The following WDR27 variants were observed in gnomAD, a reference collection of about 807,000 sequenced individuals.
The protein encoded by WDR27 is WD repeat-containing protein 27.
WDR27 carries 100 observed loss-of-function variants against 114.4 expected under a neutral mutation model. The observed-to-expected ratio is 0.87, with a 90% CI of 0.74 to 1.03. The LOEUF (loss-of-function observed/expected upper bound fraction) is 1.03, where lower values mean the gene tolerates loss of function less well. Among genes scored for constraint, WDR27 ranks in the 50% least tolerant of loss-of-function variants. WDR27 has a pLI of 0.00. For synonymous variants in WDR27, 449 were observed against 423.1 expected (o/e 1.06, Z -0.75); for missense variants, 1,129 against 1,092.9 (o/e 1.03, Z -0.47).
intron 2 of WDR27, among the ~76,000 whole-genome samples, chr6:169,682,564 T>C (rs1310354218): frequency 6.6e-6 from 1 of 152,268 alleles, no homozygotes; most frequent in East Asian, 1.9e-4. Context: ...CAACAGTCAG[T>C]CTATGTAGAA....
At chr6:169,602,163 T>C (rs1808119237) in intron 23 of WDR27, 56 bp downstream of exon 23, 1 of 1,348,422 alleles carries the variant, frequency 7.4e-7, no homozygotes, top group Non-Finnish European at 1.0e-6. Context: ...TTAAACAGTC[T>C]ACACATTACC....
At chr6:169,570,812 A>G (rs1738986845) in intron 25 of WDR27, among the ~76,000 whole-genome samples, 1 of 152,174 alleles carries the variant, frequency 6.6e-6, no homozygotes, top group South Asian at 2.1e-4. Context: ...CTGGGCCACA[A>G]GAGCGAAATT....
At chr6:169,680,437 C>T (rs979550118) in intron 2 of WDR27, among the ~76,000 whole-genome samples, 10 of 152,048 alleles carry the variant, frequency 6.6e-5, no homozygotes, top group African/African-American at 2.2e-4. Context: ...AAAAAATTAG[C>T]GGGGCTTGGT....
At chr6:169,477,638 C>A (rs2115363355) in intron 25 of WDR27, among the ~76,000 whole-genome samples, 1 of 152,258 alleles carries the variant, frequency 6.6e-6, no homozygotes, top group Middle Eastern at 3.4e-3. Flanking sequence ...ATGGTTTCTC[C>A]ATGTTAGCTA....
intron 21 of WDR27, among the ~76,000 whole-genome samples, 157 bp from the exon 22 acceptor site, chr6:169,613,813 C>T (rs1194418792): frequency 6.6e-6 from 1 of 152,168 alleles, no homozygotes; most frequent in African/African-American, 2.4e-5. Flanking sequence ...CCAAAAACTT[C>T]TACATAAAGT....
chr6:169,634,116 A>C (rs909151029), intron 20 of WDR27, among the ~76,000 whole-genome samples: 2 of 152,200 alleles, frequency 1.3e-5, no homozygotes, highest in Non-Finnish European at 2.9e-5. Flanking sequence ...TGCAGATGAG[A>C]TACAATGACT....
chr6:169,482,735 C>T (rs78191856), intron 25 of WDR27, among the ~76,000 whole-genome samples: 4,677 of 152,224 alleles, frequency 0.031, 217 homozygotes, highest in African/African-American at 0.1. Context: ...GAATATACAT[C>T]CTTTTCATCA....
intron 25 of WDR27, among the ~76,000 whole-genome samples, chr6:169,536,701 T>G (rs1168554540): frequency 1.3e-5 from 2 of 152,122 alleles, no homozygotes; most frequent in Non-Finnish European, 2.9e-5. Flanking sequence ...GATCAGATGT[T>G]AAGTCAGACA....
At chr6:169,612,018 C>T (rs544092177) in intron 22 of WDR27, among the ~76,000 whole-genome samples, 1 of 152,274 alleles carries the variant, frequency 6.6e-6, no homozygotes, top group South Asian at 2.1e-4. Context: ...TGCCTACAGT[C>T]CCAGCTACTT....
At chr6:169,645,042 A>AT (rs1562796580) in intron 16 of WDR27, among the ~76,000 whole-genome samples, 4 of 134,092 alleles carry the variant, frequency 3.0e-5, no homozygotes, top group Non-Finnish European at 6.3e-5. Context: ...AAAATAAAAA[A>AT]AAAAAAAAAA....
intron 15 of WDR27, among the ~76,000 whole-genome samples, chr6:169,648,739 C>T (rs1821461142): frequency 6.6e-6 from 1 of 152,226 alleles, no homozygotes. Context: ...TCTTCCCTGT[C>T]CAGTCACAAG....
At chr6:169,666,985 G>T (rs1182731703) in intron 6 of WDR27, 151 bp downstream of exon 6, 7 of 1,269,480 alleles carry the variant, frequency 5.5e-6, no homozygotes, top group Non-Finnish European at 6.0e-6. Context: ...TCCTCTCCCT[G>T]TGTGGACGGG....
chr6:169,579,158 C>T (rs1386451523), intron 24 of WDR27, among the ~76,000 whole-genome samples: 7 of 152,168 alleles, frequency 4.6e-5, no homozygotes, highest in African/African-American at 9.7e-5. Context: ...AACCCGCTTA[C>T]TCCTGGTGTC....
At chr6:169,443,597 G>C in the WDR27 span, among the ~76,000 whole-genome samples, 1 of 152,184 alleles carries the variant, frequency 6.6e-6, no homozygotes, top group African/African-American at 2.4e-5. Flanking sequence ...AGTAAGAATG[G>C]AAATACTAGA....
At chr6:169,551,171 C>A (rs1272916502) in intron 25 of WDR27, among the ~76,000 whole-genome samples, 1 of 152,194 alleles carries the variant, frequency 6.6e-6, no homozygotes, top group Non-Finnish European at 1.5e-5. Context: ...TGAGTCCCCA[C>A]TTTATAAATA....
intron 25 of WDR27, among the ~76,000 whole-genome samples, chr6:169,539,740 C>T (rs766119073): frequency 6.6e-6 from 1 of 152,104 alleles, no homozygotes; most frequent in African/African-American, 2.4e-5. Context: ...AATTTAAAAC[C>T]CCCAGCTTGT....
At chr6:169,440,656 A>G in the WDR27 span, among the ~76,000 whole-genome samples, 3 of 152,182 alleles carry the variant, frequency 2.0e-5, no homozygotes, top group Non-Finnish European at 4.4e-5. Flanking sequence ...AATAATTACA[A>G]TGAGCTCATA....
chr6:169,497,754 A>C (rs1790599100), intron 25 of WDR27, among the ~76,000 whole-genome samples: 2 of 152,134 alleles, frequency 1.3e-5, no homozygotes, highest in Non-Finnish European at 2.9e-5. Context: ...AAAATAACAA[A>C]TATTGATGAG....
At chr6:169,617,865 G>C (rs1457660375) in intron 21 of WDR27, among the ~76,000 whole-genome samples, 1 of 152,160 alleles carries the variant, frequency 6.6e-6, no homozygotes, top group African/African-American at 2.4e-5. Context: ...CAACTTGTTT[G>C]TCTAACTCTG....
Sources: gnomAD v4.1 joint callset for allele counts (sites outside exome capture counted in the v4.1 genomes callset) on GRCh38, gnomAD v4.1.1 for gene constraint, MANE v1.5 for transcripts, NCBI Gene and HGNC (gene_info 2026-07-23, HGNC 2026-07-21) for gene names.